Variants in RNF130 observed in about 807,000 individuals in gnomAD.
The protein encoded by RNF130 is E3 ubiquitin-protein ligase RNF130.
A neutral mutation model predicts 44.6 loss-of-function variants in RNF130; 21 were observed. That is an observed-to-expected ratio of 0.47 (90% CI 0.33 to 0.68). The LOEUF (loss-of-function observed/expected upper bound fraction) is 0.68, where lower values mean the gene tolerates loss of function less well. Among genes scored for constraint, RNF130 ranks in the 30% least tolerant of loss-of-function variants. The pLI is 0.02. For synonymous variants in RNF130, 214 were observed against 210.4 expected (o/e 1.02, Z -0.15); for missense variants, 479 against 560.6 (o/e 0.85, Z 1.47).
chr5:180,063,572 G>A (rs1352324849), intron 1 of RNF130, among the ~76,000 whole-genome samples: 2 of 152,352 alleles, frequency 1.3e-5, no homozygotes, highest in East Asian at 1.9e-4. Flanking sequence ...TGAACCTAGA[G>A]AGGCCTAGGC....
At chr5:179,972,481 C>G (rs1762607111) in intron 5 of RNF130, among the ~76,000 whole-genome samples, 1 of 152,186 alleles carries the variant, frequency 6.6e-6, no homozygotes, top group South Asian at 2.1e-4. Context: ...GCTGTGACCT[C>G]TGATCAAGGC....
chr5:179,936,811 A>C (rs1170728660), intron 7 of RNF130, among the ~76,000 whole-genome samples: 1 of 152,228 alleles, frequency 6.6e-6, no homozygotes, highest in Non-Finnish European at 1.5e-5. Flanking sequence ...TCCAGAAATA[A>C]ACTCATACAT....
chr5:179,996,140 T>C (rs1763192462), intron 3 of RNF130, among the ~76,000 whole-genome samples: 2 of 152,234 alleles, frequency 1.3e-5, no homozygotes, highest in Admixed American at 1.3e-4. Context: ...CTGTCATCAG[T>C]GTTTTAGTTT....
chr5:179,993,244 T>C (rs1278272873), intron 3 of RNF130, among the ~76,000 whole-genome samples: 1 of 152,244 alleles, frequency 6.6e-6, no homozygotes, highest in Non-Finnish European at 1.5e-5. Context: ...TACCCAGTAA[T>C]GGGATGGCTG....
chr5:180,063,103 C>T lies in RNF130; in HGVS notation c.247+8353G>A, dbSNP rs374448314. On this transcript the variant is annotated intron_variant, in intron 1 of 8. Coordinates refer to ENST00000521389, the MANE Select transcript of RNF130 (RefSeq NM_018434.6). ...ATACTGCACAGAGACTTCTGATGTC[C>T]GTTCTAAGGATGATGACGAGCCACT... 1.2e-4 allele frequency among the ~76,000 whole-genome samples: 18 copies of T among 152,188 alleles called. No individual in the cohort carries two copies. In the East Asian group the frequency reaches 1.9e-3, roughly 16 times the overall value.
chr5:179,978,347 C>T, intron 4 of RNF130, 62 bp from the exon 5 acceptor site: 1 of 1,049,848 alleles, frequency 9.5e-7, no homozygotes, highest in African/African-American at 1.6e-5. Context: ...GGTTGGGATG[C>T]AATTCAGCTC....
intron 7 of RNF130, among the ~76,000 whole-genome samples, chr5:179,925,047 G>A (rs772668218): frequency 2.6e-5 from 4 of 152,218 alleles, no homozygotes; most frequent in Admixed American, 6.5e-5. Flanking sequence ...TGTGAAAAGT[G>A]TATTTGGTTT....
At chr5:180,038,411 G>T (rs6881735) in intron 2 of RNF130, among the ~76,000 whole-genome samples, 18,234 of 57,218 alleles carry the variant, frequency 0.32, 1,382 homozygotes, top group East Asian at 0.54. Flanking sequence ...AGCCTGTTTT[G>T]TTTTTTTTTT....
At position 180,047,768 on chromosome 5, in the gene RNF130, G is replaced by A. The variant is rs182828384; in HGVS notation, c.248-7121C>T. 6.6e-5 allele frequency among the ~76,000 whole-genome samples: 10 copies of A among 152,132 alleles called. No individual in the cohort carries two copies. In the East Asian group the frequency reaches 1.5e-3, roughly 24 times the overall value. Reference sequence around the variant, plus strand: ...AAAAAAATAAATAAAATAAATCTCAGGCCACTCTTTGTTCTCCAAACTGGC... The same window carrying A: ...AAAAAAATAAATAAAATAAATCTCAAGCCACTCTTTGTTCTCCAAACTGGC... On this transcript the variant is annotated intron_variant, in intron 1 of 8. Transcript: ENST00000521389.
chr5:179,992,624 T>C (rs1763111704), intron 3 of RNF130, among the ~76,000 whole-genome samples: 2 of 152,210 alleles, frequency 1.3e-5, no homozygotes, highest in Non-Finnish European at 2.9e-5. Context: ...TTTTTCATAC[T>C]TCCTATAGTA....
chr5:180,006,957 T>C (rs1763474437), intron 3 of RNF130, among the ~76,000 whole-genome samples: 2 of 152,192 alleles, frequency 1.3e-5, no homozygotes, highest in South Asian at 4.1e-4. Context: ...CCACAGACAC[T>C]TAGTCATGAA....
intron 7 of RNF130, among the ~76,000 whole-genome samples, chr5:179,931,753 C>T (rs1037786499): frequency 1.4e-5 from 2 of 147,006 alleles, no homozygotes; most frequent in Non-Finnish European, 3.0e-5. Context: ...CCAGCCTGGG[C>T]GACAGAGCCA....
intron 1 of RNF130, among the ~76,000 whole-genome samples, chr5:180,043,026 A>G (rs1482376160): frequency 2.0e-5 from 3 of 152,220 alleles, no homozygotes; most frequent in African/African-American, 7.2e-5. Flanking sequence ...AGCCAAGAGT[A>G]ATGCTTTCTG....
intron 2 of RNF130, among the ~76,000 whole-genome samples, chr5:180,032,303 C>T (rs1561700193): frequency 1.3e-5 from 2 of 152,148 alleles, no homozygotes; most frequent in South Asian, 2.1e-4. Flanking sequence ...TACAGTTTTA[C>T]CTCTTACATT....
At chr5:179,983,630 AT>A (rs1391429638) in intron 3 of RNF130, among the ~76,000 whole-genome samples, 2 of 152,280 alleles carry the variant, frequency 1.3e-5, no homozygotes, top group East Asian at 3.9e-4. Context: ...GATATTTTGC[AT>A]TCCCATATGA....
intron 7 of RNF130, among the ~76,000 whole-genome samples, chr5:179,933,114 A>G (rs1052673301): frequency 6.6e-6 from 1 of 152,236 alleles, no homozygotes; most frequent in African/African-American, 2.4e-5. Flanking sequence ...TGCAAGATCC[A>G]CAGAAGGACT....
chr5:179,979,031 G>A (rs1368130673), intron 4 of RNF130, among the ~76,000 whole-genome samples: 1 of 152,120 alleles, frequency 6.6e-6, no homozygotes, highest in East Asian at 1.9e-4. Context: ...GGTCTAGGAG[G>A]TACAAACTAA....
chr5:179,926,656 A>AAAAT (rs1204168177), intron 7 of RNF130, among the ~76,000 whole-genome samples: 2 of 152,170 alleles, frequency 1.3e-5, no homozygotes, highest in Admixed American at 6.6e-5. Flanking sequence ...TCAAAAAAAT[A>AAAAT]AAATAAATAA....
rs768797323 is a variant in RNF130, at chr5:179,920,287, T to C, written c.*30A>G. The C allele has an allele frequency of 1.6e-4, 108 of 682,784 alleles. 1 individual carries two copies. Among genetic ancestry groups the C allele is most frequent in the Middle Eastern group, 7.0e-4 (3 of 4,292 alleles). 42.3% of individuals were successfully genotyped at this position (682,784 alleles called of 1,614,324 possible). ...ATCAGAAATCAAATCACAAAAGCAG[T>C]GACCCCAACAGCCAGGCCATGTTTA... On this transcript the variant is annotated 3_prime_UTR_variant, in exon 8 of 8. Coordinates refer to the RNF130 transcript ENST00000522208.
Sources: gnomAD v4.1 joint callset for allele counts (sites outside exome capture counted in the v4.1 genomes callset) on GRCh38, gnomAD v4.1.1 for gene constraint, MANE v1.5 for transcripts, NCBI Gene and HGNC (gene_info 2026-07-23, HGNC 2026-07-21) for gene names.